CDH4: variants seen among roughly 807,000 people sequenced by gnomAD.
CDH4 encodes the protein cadherin-4.
A neutral mutation model predicts 86.0 loss-of-function variants in CDH4; 33 were observed. That is an observed-to-expected ratio of 0.38 (90% CI 0.29 to 0.51). The LOEUF is 0.51. Ranked by LOEUF, CDH4 falls within the 20% of genes least tolerant of loss-of-function variation. The pLI is 0.86. For synonymous variants in CDH4, 555 were observed against 549.4 expected, an observed-to-expected ratio of 1.01 and a Z score of -0.14; for missense variants, 1,114 against 1,307.4, an observed-to-expected ratio of 0.85 and a Z score of 2.28.
chr20:61,883,920 G>A (rs1600735744), intron 7 of CDH4, among the ~76,000 whole-genome samples: 1 of 152,206 alleles, frequency 6.6e-6, no homozygotes, highest in East Asian at 1.9e-4. Flanking sequence ...GGAAGCAAGA[G>A]GGTCCCAGCA....
chr20:61,647,940 G>A (rs2145811302), intron 2 of CDH4, among the ~76,000 whole-genome samples: 1 of 152,308 alleles, frequency 6.6e-6, no homozygotes. Flanking sequence ...CCCTGCAGGG[G>A]CTGCGGCCTG....
intron 2 of CDH4, among the ~76,000 whole-genome samples, chr20:61,404,379 C>G (rs190157844): frequency 6.6e-6 from 1 of 152,262 alleles, no homozygotes; most frequent in African/African-American, 2.4e-5. Flanking sequence ...CACCTTTCAC[C>G]CTCCTCCACA....
At chr20:61,845,320 A>G (rs565199076) in intron 5 of CDH4, among the ~76,000 whole-genome samples, 91 of 152,374 alleles carry the variant, frequency 6.0e-4, no homozygotes, top group African/African-American at 2.2e-3. Context: ...CGCGGCAGAA[A>G]GAGCCTCTGA....
intron 2 of CDH4, among the ~76,000 whole-genome samples, chr20:61,350,984 C>G (rs1455786227): frequency 1.3e-5 from 2 of 152,150 alleles, no homozygotes; most frequent in Non-Finnish European, 2.9e-5. Context: ...CAGGCATGTG[C>G]TGCATCCTGA....
intron 2 of CDH4, among the ~76,000 whole-genome samples, chr20:61,733,706 A>C (rs2088224807): frequency 6.6e-6 from 1 of 151,570 alleles, no homozygotes; most frequent in South Asian, 2.1e-4. Context: ...AGAAAGAAAG[A>C]ATGAAAGAAA....
At chr20:61,755,334 T>C (rs1011110600) in intron 3 of CDH4, among the ~76,000 whole-genome samples, 1 of 129,510 alleles carries the variant, frequency 7.7e-6, no homozygotes, top group African/African-American at 3.0e-5. Context: ...CACACTGCCT[T>C]GTAACACCAC....
rs1221144590 is a variant in CDH4 at position 61,754,792 on chromosome 20, A to C, written c.396+11003A>C. ...GCCACACACACCACACACACACTGC[A>C]CGCCACACACACCACACACACGATG... On this transcript the variant is annotated intron_variant, in intron 3 of 15. Transcript: ENST00000614565. This position sits in a 1 kb window ranked among gnomAD's most constrained non-coding sequence, Gnocchi z 4.7. Among the ~76,000 whole-genome samples, 1 of 147,522 alleles carries C rather than the reference A, an allele frequency of 6.8e-6. No individual in the cohort carries two copies. Among genetic ancestry groups the C allele is most frequent in the East Asian group, 2.0e-4 (1 of 4,936 alleles).
intron 2 of CDH4, among the ~76,000 whole-genome samples, chr20:61,606,558 C>A (rs2086647144): frequency 6.6e-6 from 1 of 152,238 alleles, no homozygotes; most frequent in East Asian, 1.9e-4. Context: ...AGTTCCTCTG[C>A]ATATCTGAAT....
intron 2 of CDH4, among the ~76,000 whole-genome samples, chr20:61,616,179 C>T (rs1279656132): frequency 6.6e-6 from 1 of 152,248 alleles, no homozygotes; most frequent in African/African-American, 2.4e-5. Context: ...CCTGACACTG[C>T]ACCAGCACTG....
intron 11 of CDH4, among the ~76,000 whole-genome samples, chr20:61,926,526 C>A (rs928960073): frequency 1.4e-4 from 22 of 152,186 alleles, no homozygotes; most frequent in African/African-American, 5.3e-4. Context: ...GGAAGCGTCT[C>A]CCCTTGAGGG....
chr20:61,857,425 C>G (rs778177569), intron 6 of CDH4, among the ~76,000 whole-genome samples: 4 of 152,230 alleles, frequency 2.6e-5, no homozygotes, highest in Admixed American at 6.5e-5. Context: ...TTTCAAGTTC[C>G]CCAGAAAGTG....
chr20:61,617,306 T>C (rs550759053), intron 2 of CDH4, among the ~76,000 whole-genome samples: 77 of 152,282 alleles, frequency 5.1e-4, no homozygotes, highest in African/African-American at 1.8e-3. Flanking sequence ...CCCCAGCACC[T>C]GGGGCCTGGT....
chr20:61,580,643 G>C (rs1255555110), intron 2 of CDH4, among the ~76,000 whole-genome samples: 1 of 152,172 alleles, frequency 6.6e-6, no homozygotes, highest in African/African-American at 2.4e-5. Flanking sequence ...ACGCTCTAGG[G>C]GGGGAAATTA....
intron 2 of CDH4, among the ~76,000 whole-genome samples, chr20:61,495,670 A>G (rs1164214208): frequency 6.6e-6 from 1 of 152,284 alleles, no homozygotes; most frequent in East Asian, 1.9e-4. Context: ...TGGGAGGCTG[A>G]GGCAGGTGGA....
At chr20:61,685,578 T>A (rs2087565016) in intron 2 of CDH4, among the ~76,000 whole-genome samples, 1 of 152,248 alleles carries the variant, frequency 6.6e-6, no homozygotes, top group Non-Finnish European at 1.5e-5. Flanking sequence ...TTTCTGTCAG[T>A]GTCCTGATTC....
chr20:61,830,883 C>T (rs1981574078), intron 4 of CDH4, among the ~76,000 whole-genome samples: 1 of 152,254 alleles, frequency 6.6e-6, no homozygotes, highest in African/African-American at 2.4e-5. Context: ...CTCCTCTCTC[C>T]TGATGCCCTG....
At chr20:61,833,180 C>T (rs1981708319) in intron 4 of CDH4, among the ~76,000 whole-genome samples, 2 of 152,072 alleles carry the variant, frequency 1.3e-5, no homozygotes, top group African/African-American at 4.8e-5. Context: ...TAGGAGCCAG[C>T]ACATTGCCTT....
In CDH4 at chr20:61,937,249, G is replaced by GAAAAAAAAAAAAAAAAAAAA. The variant is rs11481455; in HGVS notation, c.*322_*323insAAAAAAAAAAAAAAAAAAAA. Reference sequence around the variant, plus strand: ...AAAAAAAAAAAAAAGAAGAAAGAAAGAAAAAAAAAAAAAAAAGAAAGTGCC... The same window carrying GAAAAAAAAAAAAAAAAAAAA: ...AAAAAAAAAAAAAAGAAGAAAGAAAGAAAAAAAAAAAAAAAAAAAAAAAAAAAAAAAAAAAAGAAAGTGCC... On this transcript the variant is annotated 3_prime_UTR_variant, in exon 16 of 16. Transcript: ENST00000614565. 1 of 109,710 alleles carries GAAAAAAAAAAAAAAAAAAAA rather than the reference G, an allele frequency of 9.1e-6. No homozygotes were observed. The highest frequency in any genetic ancestry group is 1.7e-5 in the Non-Finnish European group (1 of 57,298). The allele number at this position is 109,710 out of a possible 1,614,324, so 6.8% of individuals were successfully genotyped here. A position where few individuals can be genotyped will look rare whatever the true frequency, so the allele number is the denominator to read the frequency against.
At position 61,582,936 on chromosome 20, in the gene CDH4, C is replaced by T. The variant is rs1031410773; in HGVS notation, c.170-160627C>T. Among the ~76,000 whole-genome samples the T allele has an allele frequency of 6.6e-6, 1 of 152,088 alleles. No homozygotes were observed. The highest frequency in any genetic ancestry group is 2.4e-5 in the African/African-American group (1 of 41,408). ...CACCCTTGGCTGTCCGCCTTCTGCG[C>T]CCCCATGGCCCCCGGCCCTAGGCAG... On this transcript the variant is annotated intron_variant, in intron 2 of 15. Transcript: ENST00000614565. This position sits in a 1 kb window ranked among gnomAD's most constrained non-coding sequence, Gnocchi z 4.2.
Sources: gnomAD v4.1 joint callset for allele counts (sites outside exome capture counted in the v4.1 genomes callset) on GRCh38, gnomAD v4.1.1 for gene constraint, Gnocchi (gnomAD v3.1) non-coding constraint, MANE v1.5 for transcripts, NCBI Gene and HGNC (gene_info 2026-07-23, HGNC 2026-07-21) for gene names.